Variants in SARNP observed in about 807,000 individuals in gnomAD.
SARNP encodes SAP domain containing ribonucleoprotein.
A neutral mutation model predicts 38.1 loss-of-function variants in SARNP; 5 were observed. The observed-to-expected ratio is 0.13, with a 90% CI of 0.07 to 0.28. The LOEUF is 0.28. Ranked by LOEUF, SARNP falls within the 10% of genes least tolerant of loss-of-function variation. SARNP has a pLI of 1.00. For missense variants in SARNP, 180 were observed against 243.9 expected (o/e 0.74, Z 1.75); for synonymous variants, 84 against 80.6 (o/e 1.04, Z -0.23).
chr12:55,795,076 C>T (rs927100516), intron 5 of SARNP, among the ~76,000 whole-genome samples, 196 bp from the exon 6 acceptor site: 20 of 151,808 alleles, frequency 1.3e-4, no homozygotes, highest in African/African-American at 4.6e-4. Flanking sequence ...TCTCGTGGCT[C>T]AGCCTCCTGA....
intron 8 of SARNP, among the ~76,000 whole-genome samples, 172 bp from the exon 9 acceptor site, chr12:55,789,315 T>C (rs555981306): frequency 1.3e-5 from 2 of 152,144 alleles, no homozygotes; most frequent in African/African-American, 4.8e-5. Context: ...GATTATGGCC[T>C]CCTCTGGAAT....
At chr12:55,814,948 C>G (rs1021447891) in intron 1 of SARNP, among the ~76,000 whole-genome samples, 2 of 152,008 alleles carry the variant, frequency 1.3e-5, no homozygotes, top group African/African-American at 4.8e-5. Context: ...CATTACATAT[C>G]AACTCAGATA....
intron 2 of SARNP, among the ~76,000 whole-genome samples, chr12:55,801,436 C>T (rs1879976617): frequency 6.6e-6 from 1 of 151,948 alleles, no homozygotes; most frequent in Admixed American, 6.6e-5. Flanking sequence ...GAGCAAGACC[C>T]AGTCTTGAAT....
intron 7 of SARNP, chr12:55,792,716 G>C (rs1049124845): frequency 1.2e-4 from 18 of 151,776 alleles, no homozygotes; most frequent in African/African-American, 4.4e-4. Flanking sequence ...ACAGGATCTT[G>C]CTCTGTCACC....
intron 9 of SARNP, among the ~76,000 whole-genome samples, chr12:55,778,237 C>T (rs1440500856): frequency 1.3e-5 from 2 of 152,096 alleles, no homozygotes; most frequent in East Asian, 3.9e-4. Flanking sequence ...ACCTCCACCT[C>T]CACGGTTCAA....
intron 9 of SARNP, among the ~76,000 whole-genome samples, chr12:55,773,024 GA>G (rs1565673136): frequency 1.3e-5 from 2 of 152,158 alleles, no homozygotes; most frequent in Admixed American, 6.5e-5. Flanking sequence ...CTGGGAAGCT[GA>G]AACTTTTCAG....
At chr12:55,778,113 G>A (rs1879235208) in intron 9 of SARNP, among the ~76,000 whole-genome samples, 1 of 152,052 alleles carries the variant, frequency 6.6e-6, no homozygotes, top group Non-Finnish European at 1.5e-5. Flanking sequence ...ATAAACTGAG[G>A]TCAGAGAGTT....
chr12:55,798,166 A>T (rs1319564205), intron 4 of SARNP, among the ~76,000 whole-genome samples: 1 of 152,172 alleles, frequency 6.6e-6, no homozygotes, highest in East Asian at 1.9e-4. Context: ...AGATAACTAA[A>T]TGGCTTTAGA....
chr12:55,811,810 A>C (rs1310348401), intron 1 of SARNP, among the ~76,000 whole-genome samples: 1 of 152,132 alleles, frequency 6.6e-6, no homozygotes, highest in African/African-American at 2.4e-5. Flanking sequence ...ATCAAAGGCT[A>C]ATTCACTTCC....
At position 55,793,043 on chromosome 12, in the gene SARNP, G is replaced by T. The variant is rs1465539309; in HGVS notation, c.406+1316C>A. On this transcript the variant is annotated intron_variant, in intron 7 of 10. Coordinates refer to ENST00000336133, the MANE Select transcript of SARNP (RefSeq NM_033082.4). Reference sequence around the variant, plus strand: ...CACACCTGTAATCCCACCATTTTGGGAGGCAGAGGTGAGTGGATCACTTGA... The same window carrying T: ...CACACCTGTAATCCCACCATTTTGGTAGGCAGAGGTGAGTGGATCACTTGA... 2.0e-5 allele frequency: 3 copies of T among 152,144 alleles called. No homozygotes were observed. In the East Asian group the frequency reaches 5.8e-4, roughly 29 times the overall value. The allele number at this position is 152,144 out of a possible 1,614,324, so 9.4% of individuals were successfully genotyped here.
chr12:55,782,047 C>T (rs1249189291), intron 9 of SARNP, among the ~76,000 whole-genome samples: 1 of 152,136 alleles, frequency 6.6e-6, no homozygotes, highest in Non-Finnish European at 1.5e-5. Flanking sequence ...AGATCATAAC[C>T]ATCAGGAAAG....
intron 9 of SARNP, among the ~76,000 whole-genome samples, chr12:55,764,030 C>T (rs1878753564): frequency 6.6e-6 from 1 of 152,170 alleles, no homozygotes; most frequent in Non-Finnish European, 1.5e-5. Flanking sequence ...GCTAAAAAAA[C>T]TTGTAAATTT....
chr12:55,773,689 G>A (rs1330986730), intron 9 of SARNP, among the ~76,000 whole-genome samples: 3 of 152,160 alleles, frequency 2.0e-5, no homozygotes, highest in Non-Finnish European at 2.9e-5. Flanking sequence ...TCAATAAAGT[G>A]GGGGAAAAGG....
intron 9 of SARNP, among the ~76,000 whole-genome samples, chr12:55,766,473 C>CA (rs1250560940): frequency 1.3e-5 from 2 of 152,112 alleles, no homozygotes; most frequent in African/African-American, 4.8e-5. Flanking sequence ...TCAGTATATA[C>CA]AAACCTCATG....
At chr12:55,768,612 G>C (rs1487644762) in intron 9 of SARNP, among the ~76,000 whole-genome samples, 1 of 151,424 alleles carries the variant, frequency 6.6e-6, no homozygotes, top group African/African-American at 2.4e-5. Context: ...ATTTTTAGTA[G>C]AGACAGGGTT....
At chr12:55,780,068 A>C (rs1879296205) in intron 9 of SARNP, among the ~76,000 whole-genome samples, 1 of 152,154 alleles carries the variant, frequency 6.6e-6, no homozygotes, top group Non-Finnish European at 1.5e-5. Flanking sequence ...GGGTCACTTA[A>C]ACCCGGGAGG....
chr12:55,800,949 T>C (rs770951884), intron 2 of SARNP, 49 bp from the exon 3 acceptor site: 2 of 1,456,928 alleles, frequency 1.4e-6, no homozygotes, highest in South Asian at 2.3e-5. Flanking sequence ...AAAACCATCT[T>C]GATCACTTAC....
chr12:55,764,487 C>T (rs762821982), intron 9 of SARNP, among the ~76,000 whole-genome samples: 133 of 146,794 alleles, frequency 9.1e-4, no homozygotes, highest in South Asian at 1.5e-3. Flanking sequence ...GCCGAGATCT[C>T]GCCATTGCAC....
At chr12:55,786,467 T>TGTTA (rs1879498549) in intron 9 of SARNP, among the ~76,000 whole-genome samples, 1 of 150,110 alleles carries the variant, frequency 6.7e-6, no homozygotes, top group Admixed American at 6.7e-5. Context: ...TTTGTTTGTT[T>TGTTA]GAGATGGAGT....
Sources: gnomAD v4.1 joint callset for allele counts (sites outside exome capture counted in the v4.1 genomes callset) on GRCh38, gnomAD v4.1.1 for gene constraint, MANE v1.5 for transcripts, NCBI Gene and HGNC (gene_info 2026-07-23, HGNC 2026-07-21) for gene names.